TENM2: variants seen among roughly 807,000 people sequenced by gnomAD.
TENM2 encodes teneurin-2.
TENM2 carries 52 observed loss-of-function variants against 245.2 expected under a neutral mutation model. That is an observed-to-expected ratio of 0.21 (90% confidence interval 0.17 to 0.27). TENM2 has a LOEUF of 0.27. Among genes scored for constraint, TENM2 ranks in the 10% least tolerant of loss-of-function variants. TENM2 has a pLI of 1.00. For missense variants in TENM2, 3,046 were observed against 3,666.8 expected (o/e 0.83, Z 4.37); for synonymous variants, 1,363 against 1,438.9 (o/e 0.95, Z 1.19).
chr5:168,223,808 AG>A (rs1390639384), intron 23 of TENM2, among the ~76,000 whole-genome samples: 1 of 152,172 alleles, frequency 6.6e-6, no homozygotes, highest in African/African-American at 2.4e-5. Context: ...AATGCAAAGA[AG>A]AAAATGAAGA....
chr5:167,454,640 G>A (rs559380055), intron 2 of TENM2, among the ~76,000 whole-genome samples: 52 of 151,970 alleles, frequency 3.4e-4, no homozygotes, highest in Non-Finnish European at 6.2e-4. Flanking sequence ...TCCTCGCCCT[G>A]CCCCATCTCT....
intron 6 of TENM2, among the ~76,000 whole-genome samples, chr5:168,052,260 G>A (rs534376434): frequency 1.3e-5 from 2 of 151,940 alleles, no homozygotes; most frequent in East Asian, 3.9e-4. Flanking sequence ...GCGGGGTGGT[G>A]GGTGCCTGTA....
intron 2 of TENM2, among the ~76,000 whole-genome samples, chr5:167,863,423 T>C (rs1772008696): frequency 6.6e-6 from 1 of 151,756 alleles, no homozygotes; most frequent in Admixed American, 6.6e-5. Flanking sequence ...GAGACCAGTC[T>C]GGCCAACATG....
intron 13 of TENM2, among the ~76,000 whole-genome samples, chr5:168,182,841 T>C: frequency 7.0e-6 from 1 of 141,880 alleles, no homozygotes; most frequent in Non-Finnish European, 1.5e-5. Flanking sequence ...TTTTTTTTTT[T>C]TTTTTTTGAG....
chr5:168,054,922 C>T (rs761504881), intron 6 of TENM2, among the ~76,000 whole-genome samples: 10 of 152,262 alleles, frequency 6.6e-5, no homozygotes, highest in South Asian at 2.1e-4. Context: ...ATCTTAAGCA[C>T]GTGCTTCTTA....
At chr5:167,270,331 T>C in the TENM2 span, among the ~76,000 whole-genome samples, 1 of 152,162 alleles carries the variant, frequency 6.6e-6, no homozygotes, top group Non-Finnish European at 1.5e-5. Context: ...ATGGTAGTAG[T>C]AATAATTGAC....
intron 2 of TENM2, among the ~76,000 whole-genome samples, chr5:167,434,894 G>T (rs954621339): frequency 2.6e-5 from 4 of 152,170 alleles, no homozygotes; most frequent in Admixed American, 1.3e-4. Context: ...GAAAATTATA[G>T]ATTCAGATGT....
At chr5:168,217,995 G>A (rs541916689) in intron 22 of TENM2, 130 bp from the exon 25 acceptor site, 3 of 919,208 alleles carry the variant, frequency 3.3e-6, no homozygotes, top group South Asian at 3.6e-5. Flanking sequence ...TCAATGAAGA[G>A]CATTTCTAAT....
chr5:167,866,667 C>A (rs964292067), intron 2 of TENM2, among the ~76,000 whole-genome samples: 2 of 152,004 alleles, frequency 1.3e-5, no homozygotes, highest in African/African-American at 4.8e-5. Flanking sequence ...TTAAACTATA[C>A]TATAGGCAAT....
At chr5:167,503,517 C>CTT (rs35774602) in intron 2 of TENM2, among the ~76,000 whole-genome samples, 1,620 of 146,558 alleles carry the variant, frequency 0.011, 29 homozygotes, top group African/African-American at 0.035. Flanking sequence ...TAATGTCTTC[C>CTT]TTTTTTTTTT....
the TENM2 span, among the ~76,000 whole-genome samples, chr5:167,114,929 T>G: frequency 2.0e-5 from 3 of 152,224 alleles, no homozygotes; most frequent in African/African-American, 7.2e-5. Flanking sequence ...GGGATATGCC[T>G]TAGCAATGCT....
Position 167,493,503 on chromosome 5 carries a change from TTGTGGGTATCAAATA to T in TENM2, c.502+118031_502+118045del, listed in dbSNP as rs1340239145. Among the ~76,000 whole-genome samples the T allele has an allele frequency of 1.3e-4, 20 of 152,254 alleles. No individual in the cohort carries two copies. In the South Asian group the frequency reaches 4.1e-3, roughly 32 times the overall value. ...GTCATAGTTTTGGCTCATAGAATTT[TTGTGGGTATCAAATA>T]AAACATAGAATTGAATAACCATAGC... is the stretch of plus-strand genomic sequence containing the variant. On this transcript the variant is annotated intron_variant, in intron 2 of 28. Transcript: ENST00000518659.
chr5:167,031,242 G>T, the TENM2 span, among the ~76,000 whole-genome samples: 1 of 152,208 alleles, frequency 6.6e-6, no homozygotes, highest in South Asian at 2.1e-4. Context: ...CATTAGACGT[G>T]CCAGAGGGTA....
At chr5:168,037,477 G>A (rs181672229) in intron 5 of TENM2, among the ~76,000 whole-genome samples, 26 of 149,216 alleles carry the variant, frequency 1.7e-4, no homozygotes, top group Admixed American at 1.5e-3. Context: ...TTCTACAGTA[G>A]AAGATATTTG....
chr5:167,966,397 G>A (rs1009863582), intron 4 of TENM2, among the ~76,000 whole-genome samples: 1 of 152,140 alleles, frequency 6.6e-6, no homozygotes, highest in Non-Finnish European at 1.5e-5. Flanking sequence ...TATCATCCTT[G>A]TTCCTGTTAG....
At chr5:167,993,394 T>A (rs190594402) in intron 5 of TENM2, among the ~76,000 whole-genome samples, 4 of 152,334 alleles carry the variant, frequency 2.6e-5, no homozygotes, top group East Asian at 1.9e-4. Context: ...CTAAATGACA[T>A]CCATCAGAAG....
At chr5:167,196,643 C>T in the TENM2 span, among the ~76,000 whole-genome samples, 1 of 150,988 alleles carries the variant, frequency 6.6e-6, no homozygotes, top group Non-Finnish European at 1.5e-5. Flanking sequence ...CCTCTATATT[C>T]GTGGGTTTGC....
intron 13 of TENM2, among the ~76,000 whole-genome samples, chr5:168,169,658 C>T (rs1245525485): frequency 6.6e-6 from 1 of 152,202 alleles, no homozygotes; most frequent in African/African-American, 2.4e-5. Flanking sequence ...TTAGCAGAGC[C>T]AAGCTAGGGA....
intron 25 of TENM2, among the ~76,000 whole-genome samples, chr5:168,240,321 T>C (rs796661822): frequency 9.2e-5 from 14 of 152,314 alleles, no homozygotes; most frequent in African/African-American, 3.4e-4. Flanking sequence ...GAGTGTCCCA[T>C]GTGGTTTAGA....
Sources: gnomAD v4.1 joint callset for allele counts (sites outside exome capture counted in the v4.1 genomes callset) on GRCh38, gnomAD v4.1.1 for gene constraint, MANE v1.5 for transcripts, NCBI Gene and HGNC (gene_info 2026-07-23, HGNC 2026-07-21) for gene names.